Variants in AKAP6 observed in about 807,000 individuals in gnomAD.
AKAP6 encodes the protein A-kinase anchoring protein 6, also known as A-kinase anchor protein 6.
Under a neutral mutation model 188.5 loss-of-function variants are expected in AKAP6, and 58 were observed. The ratio of observed to expected loss-of-function variants is 0.31; its 90% CI spans 0.25 to 0.38. The LOEUF (loss-of-function observed/expected upper bound fraction) is 0.38, where lower values mean the gene tolerates loss of function less well. Among genes scored for constraint, AKAP6 ranks in the 10% least tolerant of loss-of-function variants. The pLI is 1.00. For missense variants in AKAP6, 2,710 were observed against 2,740.0 expected, an observed-to-expected ratio of 0.99 and a Z score of 0.24; for synonymous variants, 989 against 998.6, an observed-to-expected ratio of 0.99 and a Z score of 0.18.
intron 1 of AKAP6, among the ~76,000 whole-genome samples, chr14:32,333,643 CT>C (rs374545982): frequency 5.3e-5 from 8 of 150,416 alleles, no homozygotes; most frequent in South Asian, 4.2e-4. Flanking sequence ...TAAATAATAA[CT>C]TTTTTTTTTC....
At position 32,824,625 on chromosome 14, in the gene AKAP6, C is replaced by T. The variant is rs896789259; in HGVS notation, c.6812C>T (p.Ala2271Val). 3 of 1,613,916 alleles carry T rather than the reference C, an allele frequency of 1.9e-6. No homozygotes were observed. Among genetic ancestry groups the T allele is most frequent in the South Asian group, 1.1e-5 (1 of 91,074 alleles). ...GGAATGCCAGAAGAACATAATGCTGCTTCAGCCAAATCTAAAGTTCAAGAC... is the reference window on the plus strand; with the variant it reads ...GGAATGCCAGAAGAACATAATGCTGTTTCAGCCAAATCTAAAGTTCAAGAC... The part of the protein sequence containing the change: ...ESGMPEEHNA[A>V]SAKSKVQDLS... The change falls in exon 13 of 14, where the codon GCT becomes GTT. Residue 2271 changes from alanine (A) to valine (V), a missense_variant. Physicochemically the swap from Ala to Val is moderately conservative, Grantham distance 64 (BLOSUM62 0). This residue lies in a region of AKAP6 where 2,473 missense variants were observed against 2,426.1 expected (regional missense o/e 1.02). Transcript: ENST00000280979.
intron 12 of AKAP6, among the ~76,000 whole-genome samples, chr14:32,783,351 C>T (rs8018365): frequency 0.25 from 38,213 of 151,762 alleles, 5,798 homozygotes; most frequent in African/African-American, 0.44. Flanking sequence ...TAAAGGGTAA[C>T]GAGAAATCTT....
At chr14:32,528,561 G>A (rs1882248272) in intron 2 of AKAP6, among the ~76,000 whole-genome samples, 1 of 152,124 alleles carries the variant, frequency 6.6e-6, no homozygotes, top group South Asian at 2.1e-4. Flanking sequence ...CAATATAATT[G>A]TCTTGATTAA....
At chr14:32,609,664 C>G (rs1886267461) in intron 7 of AKAP6, among the ~76,000 whole-genome samples, 1 of 151,972 alleles carries the variant, frequency 6.6e-6, no homozygotes, top group Admixed American at 6.6e-5. Flanking sequence ...AAGCCTAAAT[C>G]AAGACACTAA....
intron 2 of AKAP6, among the ~76,000 whole-genome samples, chr14:32,531,314 G>T (rs1396760998): frequency 6.6e-6 from 1 of 152,084 alleles, no homozygotes; most frequent in Non-Finnish European, 1.5e-5. Context: ...CTTTATACTT[G>T]CTAGAAAATA....
At chr14:32,619,219 G>A (rs1046891354) in intron 7 of AKAP6, among the ~76,000 whole-genome samples, 10 of 151,782 alleles carry the variant, frequency 6.6e-5, no homozygotes, top group African/African-American at 1.9e-4. Flanking sequence ...TTTTGGTTGC[G>A]TTTGCTTTCG....
In AKAP6 at chr14:32,540,192, A is replaced by ATATATTTT. The variant is rs1406480125; in HGVS notation, c.576+4388_576+4389insATATTTTT. On this transcript the variant is annotated intron_variant, in intron 3 of 13. Coordinates refer to ENST00000280979, the MANE Select transcript of AKAP6 (RefSeq NM_004274.5). Reference sequence around the variant, plus strand: ...TCTATATATATATATATATATATATATTTTAATTTTTTATTTTTTTTTTTG... The same window carrying ATATATTTT: ...TCTATATATATATATATATATATATATATATTTTTTTTAATTTTTTATTTTTTTTTTTG... 3.0e-3 allele frequency among the ~76,000 whole-genome samples: 373 copies of ATATATTTT among 123,302 alleles called. 4 individuals are homozygous for ATATATTTT. The highest frequency in any genetic ancestry group is 4.5e-3 in the Non-Finnish European group (264 of 58,944). 80.9% of individuals were successfully genotyped at this position (123,302 alleles called of 152,430 possible).
At chr14:32,372,561 C>A (rs1332726081) in intron 1 of AKAP6, among the ~76,000 whole-genome samples, 1 of 54,458 alleles carries the variant, frequency 1.8e-5, no homozygotes, top group Non-Finnish European at 3.9e-5. Flanking sequence ...TCTTTAAGAT[C>A]ACTTTTTTTT....
At chr14:32,347,033 G>A (rs1187834957) in intron 1 of AKAP6, among the ~76,000 whole-genome samples, 1 of 152,190 alleles carries the variant, frequency 6.6e-6, no homozygotes, top group Non-Finnish European at 1.5e-5. Flanking sequence ...CATACAGTCT[G>A]TTTGATAGAT....
intron 7 of AKAP6, 67 bp downstream of exon 7, chr14:32,600,859 A>C: frequency 1.4e-6 from 2 of 1,463,854 alleles, no homozygotes; most frequent in East Asian, 4.8e-5. Context: ...GCACCACTGA[A>C]GTTTTCTTTC....
chr14:32,556,091 A>G (rs1204092226), intron 4 of AKAP6, among the ~76,000 whole-genome samples: 1 of 151,974 alleles, frequency 6.6e-6, no homozygotes, highest in African/African-American at 2.4e-5. Context: ...CAGTTTCCCC[A>G]CATCCTTGCC....
At chr14:32,729,779 T>G (rs1321641098) in intron 9 of AKAP6, among the ~76,000 whole-genome samples, 2 of 152,130 alleles carry the variant, frequency 1.3e-5, no homozygotes, top group Non-Finnish European at 2.9e-5. Context: ...ACCTTAGCAC[T>G]CAAGAAAAGC....
intron 1 of AKAP6, among the ~76,000 whole-genome samples, chr14:32,392,130 A>C (rs1888736187): frequency 6.6e-6 from 1 of 152,228 alleles, no homozygotes; most frequent in South Asian, 2.1e-4. Flanking sequence ...TGGGATAGTG[A>C]AGGAAATAAT....
chr14:32,388,340 T>C (rs1888600732), intron 1 of AKAP6, among the ~76,000 whole-genome samples: 2 of 152,060 alleles, frequency 1.3e-5, no homozygotes, highest in South Asian at 4.1e-4. Context: ...GTTGTTGTTG[T>C]TTGTTTGTTT....
At chr14:32,342,138 TTTCC>T (rs1304411665) in intron 1 of AKAP6, among the ~76,000 whole-genome samples, 1 of 152,234 alleles carries the variant, frequency 6.6e-6, no homozygotes, top group East Asian at 1.9e-4. Flanking sequence ...GCTTCTTCTA[TTTCC>T]ATGTGCTGAT....
intron 7 of AKAP6, among the ~76,000 whole-genome samples, chr14:32,651,926 T>C (rs1427566420): frequency 1.3e-5 from 2 of 152,124 alleles, no homozygotes; most frequent in African/African-American, 4.8e-5. Flanking sequence ...TTGAGTACTC[T>C]TTTTCCTGCC....
intron 2 of AKAP6, among the ~76,000 whole-genome samples, chr14:32,487,769 G>C (rs1165687672): frequency 6.6e-6 from 1 of 152,206 alleles, no homozygotes; most frequent in Non-Finnish European, 1.5e-5. Context: ...ATTGCTTTCT[G>C]TTTGTTAGTT....
At chr14:32,774,678 T>A (rs561780106) in intron 12 of AKAP6, among the ~76,000 whole-genome samples, 2 of 152,210 alleles carry the variant, frequency 1.3e-5, no homozygotes, top group Non-Finnish European at 2.9e-5. Flanking sequence ...ATACTCCAAA[T>A]GACCTTGAGG....
At chr14:32,454,641 C>T (rs1433350127) in intron 2 of AKAP6, among the ~76,000 whole-genome samples, 36 of 131,568 alleles carry the variant, frequency 2.7e-4, no homozygotes, top group Non-Finnish European at 3.7e-4. Context: ...CCTTCCCTCC[C>T]TCCCTCCTTC....
Sources: allele counts gnomAD v4.1 joint callset (sites outside exome capture counted in the v4.1 genomes callset), GRCh38; gene constraint gnomAD v4.1.1; regional missense constraint gnomAD v4.1.1; transcripts MANE v1.5; gene names NCBI Gene and HGNC (gene_info 2026-07-23, HGNC 2026-07-21).